The following CASS4 variants were observed in gnomAD, a reference collection of about 807,000 sequenced individuals.
CASS4 encodes Cas scaffold protein family member 4, also known as cas scaffolding protein family member 4.
A neutral mutation model predicts 54.2 loss-of-function variants in CASS4; 22 were observed. The observed-to-expected ratio is 0.41, with a 90% CI of 0.29 to 0.58. CASS4 has a LOEUF of 0.58. Ranked by LOEUF, CASS4 falls within the 20% of genes least tolerant of loss-of-function variation. CASS4 has a pLI of 0.36. For missense variants in CASS4, 854 were observed against 986.7 expected, an observed-to-expected ratio of 0.87 and a Z score of 1.80; for synonymous variants, 409 against 391.5, an observed-to-expected ratio of 1.04 and a Z score of -0.53.
chr20:56,428,916 C>T (rs1334558535), intron 1 of CASS4, among the ~76,000 whole-genome samples: 1 of 144,406 alleles, frequency 6.9e-6, no homozygotes, highest in African/African-American at 2.6e-5. Context: ...ATCAGTGTAC[C>T]CCCCGACCTG....
At chr20:56,455,669 C>T (rs1334182590) in intron 5 of CASS4, among the ~76,000 whole-genome samples, 1 of 152,204 alleles carries the variant, frequency 6.6e-6, no homozygotes, top group East Asian at 1.9e-4. Context: ...GTGGCTCACG[C>T]CTGTAATCCC....
intron 1 of CASS4, among the ~76,000 whole-genome samples, chr20:56,423,635 C>G (rs763170260): frequency 1.3e-5 from 2 of 152,132 alleles, no homozygotes; most frequent in Non-Finnish European, 2.9e-5. Context: ...ACCTCCACCT[C>G]CCAAGTTCAA....
intron 1 of CASS4, among the ~76,000 whole-genome samples, chr20:56,429,975 TGATTA>T (rs1259811863): frequency 5.3e-5 from 8 of 152,352 alleles, no homozygotes; most frequent in African/African-American, 1.9e-4. Context: ...TGTGATGATT[TGATTA>T]GAATTTGTCT....
rs1324998078 is a variant in CASS4, at chr20:56,412,317, C to A, written c.-142C>A. The stretch of plus-strand genomic sequence containing the variant: ...TGCCTGCTGGGAGAGTCTTTTTGAT[C>A]GTTTCCCATGTGTTGTCAGATAGCT... On this transcript the variant is annotated 5_prime_UTR_variant, in exon 1 of 6. Coordinates refer to ENST00000679887, the MANE Select transcript of CASS4 (RefSeq NM_020356.4). This position sits in a 1 kb window ranked among gnomAD's most constrained non-coding sequence, Gnocchi z 4.2. 6.9e-6 allele frequency: 6 copies of A among 874,344 alleles called. No homozygotes were observed. Among genetic ancestry groups the A allele is most frequent in the Admixed American group, 2.6e-5 (1 of 38,484 alleles). 54.2% of individuals were successfully genotyped at this position (874,344 alleles called of 1,614,324 possible). A position where few individuals can be genotyped will look rare whatever the true frequency, so the allele number is the denominator to read the frequency against.
rs370437353 is a variant in CASS4, at chr20:56,419,082, C to T, written c.36+6588C>T. 3.2e-4 allele frequency among the ~76,000 whole-genome samples: 49 copies of T among 151,912 alleles called. 1 individual carries two copies. In the South Asian group the frequency reaches 9.1e-3, roughly 28 times the overall value. On this transcript the variant is annotated intron_variant, in intron 1 of 5. Coordinates refer to ENST00000679887, the MANE Select transcript of CASS4 (RefSeq NM_020356.4). ...GAGAATAGACAGGCATTGGCCGACA[C>T]GATAATGGAATGGGGAAGCAACTGT...
At position 56,452,019 on chromosome 20, in the gene CASS4, T is replaced by A. The variant is rs1568681691; in HGVS notation, c.843T>A (p.Asn281Lys). Residue 281 changes from asparagine (N) to lysine (K), a missense_variant, in exon 5 of 6, where the codon AAT becomes AAA. Asn to Lys is a moderately conservative substitution (Grantham distance 94). Coordinates refer to ENST00000679887, the MANE Select transcript of CASS4 (RefSeq NM_020356.4). ...CCAGTTCCAGCTCCACTTTCTACAA[T>A]CCTCCAAGTGGCAGATCCAGGTCCC... ...ALPSSSSTFY[N>K]PPSGRSRSLT... 6.2e-7 allele frequency: 1 copy of A among 1,614,118 alleles called. No individual in the cohort carries two copies. The highest frequency in any genetic ancestry group is 1.7e-5 in the Admixed American group (1 of 60,018).
In CASS4 at chr20:56,445,905, C is replaced by A. The variant is rs1035893917; in HGVS notation, c.465C>A (p.Ile155=). The A allele has an allele frequency of 1.2e-6, 2 of 1,612,728 alleles. No homozygotes were observed. The highest frequency in any genetic ancestry group is 2.7e-5 in the African/African-American group (2 of 74,916). ...TCTCCTCCTTTCTCTCCAAGGCCATCCTCACGCTTCCCAGACCTGTCCGGG... is the reference window on the plus strand; with the variant it reads ...TCTCCTCCTTTCTCTCCAAGGCCATACTCACGCTTCCCAGACCTGTCCGGG... ...EKTLSFPKQA[I]LTLPRPVRAS... is the part of the protein sequence containing the mutation. The change falls in exon 3 of 6, where the codon ATC becomes ATA. Residue 155 remains isoleucine (I), a synonymous_variant. Transcript: ENST00000679887.
intron 1 of CASS4, among the ~76,000 whole-genome samples, chr20:56,418,655 T>C (rs921070502): frequency 2.0e-5 from 3 of 152,180 alleles, no homozygotes; most frequent in African/African-American, 7.2e-5. Flanking sequence ...TACTCTGTCT[T>C]TAAAAAAGTA....
At chr20:56,418,959 C>T (rs1979278930) in intron 1 of CASS4, among the ~76,000 whole-genome samples, 1 of 152,160 alleles carries the variant, frequency 6.6e-6, no homozygotes, top group Admixed American at 6.5e-5. Flanking sequence ...CCTGTTTAAT[C>T]ACCTGTAGTC....
At position 56,414,951 on chromosome 20, in the gene CASS4, C is replaced by G. The variant is rs1979059390; in HGVS notation, c.36+2457C>G. 6.6e-6 allele frequency among the ~76,000 whole-genome samples: 1 copy of G among 152,136 alleles called. No homozygotes were observed. Among genetic ancestry groups the G allele is most frequent in the Admixed American group, 6.6e-5 (1 of 15,262 alleles). Reference sequence around the variant, plus strand: ...TGAGTGCTCTACTTGCATTTTCTCACTATTACATCCTCACAACATCCTCAT... The same window carrying G: ...TGAGTGCTCTACTTGCATTTTCTCAGTATTACATCCTCACAACATCCTCAT... On this transcript the variant is annotated intron_variant, in intron 1 of 5. Coordinates refer to ENST00000679887, the MANE Select transcript of CASS4 (RefSeq NM_020356.4). The surrounding 1 kb of genome is among the most constrained non-coding windows in gnomAD (Gnocchi z 4.1).
chr20:56,424,375 A>C (rs1979542114), intron 1 of CASS4, among the ~76,000 whole-genome samples: 1 of 152,208 alleles, frequency 6.6e-6, no homozygotes, highest in Non-Finnish European at 1.5e-5. Context: ...CTCATAACTT[A>C]AGGAATTTTA....
intron 1 of CASS4, among the ~76,000 whole-genome samples, chr20:56,413,767 C>G (rs1370959483): frequency 3.4e-5 from 5 of 146,290 alleles, no homozygotes; most frequent in African/African-American, 1.3e-4. Context: ...ATGTAAATAT[C>G]TTAGCTACCC....
intron 3 of CASS4, among the ~76,000 whole-genome samples, chr20:56,446,749 G>T (rs1359169548): frequency 6.6e-6 from 1 of 152,094 alleles, no homozygotes; most frequent in Admixed American, 6.5e-5. Context: ...TGGTGCCTGT[G>T]CCCCAACCCC....
Position 56,437,476 on chromosome 20 carries a change from A to C in CASS4, c.349A>C (p.Arg117=), listed in dbSNP as rs1356310967. Residue 117 remains arginine, a synonymous_variant, in exon 2 of 6, where the codon AGG becomes CGG. Coordinates refer to ENST00000679887, the MANE Select transcript of CASS4 (RefSeq NM_020356.4). The surrounding 1 kb of genome is among the most constrained non-coding windows in gnomAD (Gnocchi z 4.7). ...TCCAGGCCCCGTTTATGAGCAGATGAGGAGTTGGGCGGAGGGGCCCCAGCC... is the reference window on the plus strand; with the variant it reads ...TCCAGGCCCCGTTTATGAGCAGATGCGGAGTTGGGCGGAGGGGCCCCAGCC... ...PTPGPVYEQM[R]SWAEGPQPPT... is the part of the protein sequence containing the mutation. The C allele has an allele frequency of 6.2e-7, 1 of 1,612,382 alleles. No homozygotes were observed. The highest frequency in any genetic ancestry group is 8.5e-7 in the Non-Finnish European group (1 of 1,179,114).
At position 56,453,063 on chromosome 20, in the gene CASS4, T is replaced by G; in HGVS notation, c.1887T>G (p.Thr629=). The change falls in exon 5 of 6, where the codon ACT becomes ACG. Residue 629 remains threonine, a synonymous_variant. Transcript: ENST00000679887. ...TESHQKSTPS[T]KQREDEHSSE... ...CACACCAAAAGAGTACCCCTTCCAC[T>G]AAGCAAAGGGAAGATGAACACTCTT... 1 of 1,614,048 alleles carries G rather than the reference T, an allele frequency of 6.2e-7. No individual in the cohort carries two copies. The highest frequency in any genetic ancestry group is 1.1e-5 in the South Asian group (1 of 91,082).
intron 4 of CASS4, 54 bp from the exon 5 acceptor site, chr20:56,451,765 C>A (rs1340720711): frequency 1.5e-6 from 2 of 1,351,902 alleles, no homozygotes; most frequent in East Asian, 4.6e-5. Context: ...ACAACGCACT[C>A]GCGCCCTCTT....
rs1472734217 is a variant in CASS4 at position 56,445,915 on chromosome 20, C to T, written c.475C>T (p.Pro159Ser). The T allele has an allele frequency of 6.2e-7, 1 of 1,613,918 alleles. No individual in the cohort carries two copies. Among genetic ancestry groups the T allele is most frequent in the Non-Finnish European group, 8.5e-7 (1 of 1,179,892 alleles). The stretch of plus-strand genomic sequence containing the variant: ...TCTCTCCAAGGCCATCCTCACGCTT[C>T]CCAGACCTGTCCGGGCCTCACTGCC... Reference protein sequence around the residue: ...SFPKQAILTLPRPVRASLPTL... With the variant: ...SFPKQAILTLSRPVRASLPTL... Residue 159 changes from proline to serine, a missense_variant, in exon 3 of 6, where the codon CCC becomes TCC. By Grantham distance (74) the Pro-to-Ser change is moderately conservative (BLOSUM62 -1). Transcript: ENST00000679887.
chr20:56,456,519 G>A (rs564277191), intron 5 of CASS4, among the ~76,000 whole-genome samples: 18 of 149,810 alleles, frequency 1.2e-4, no homozygotes, highest in East Asian at 2.0e-4. Context: ...GACTACAGGC[G>A]CCTGCCACCA....
intron 2 of CASS4, among the ~76,000 whole-genome samples, chr20:56,443,670 G>A (rs1011165555): frequency 2.6e-5 from 4 of 152,038 alleles, no homozygotes; most frequent in East Asian, 1.9e-4. Flanking sequence ...GGGGAAAGGC[G>A]GGGTTTAGGT....
Sources: allele counts gnomAD v4.1 joint callset (sites outside exome capture counted in the v4.1 genomes callset), GRCh38; gene constraint gnomAD v4.1.1; non-coding constraint Gnocchi (gnomAD v3.1); transcripts MANE v1.5; gene names NCBI Gene and HGNC (gene_info 2026-07-23, HGNC 2026-07-21).